The following MSI1 variants were observed in gnomAD, a reference collection of about 807,000 sequenced individuals.
MSI1 encodes the protein musashi RNA binding protein 1.
Under a neutral mutation model 54.4 loss-of-function variants are expected in MSI1, and 15 were observed. That is an observed-to-expected ratio of 0.28 (90% CI 0.18 to 0.42). The LOEUF (loss-of-function observed/expected upper bound fraction) is 0.42, where lower values mean the gene tolerates loss of function less well. Ranked by LOEUF, MSI1 falls within the 20% of genes least tolerant of loss-of-function variation. The probability of loss-of-function intolerance (pLI) is 1.00; values close to 1 mark genes in which losing one functional copy is unlikely to be tolerated. For synonymous variants in MSI1, 200 were observed against 196.5 expected (o/e 1.02, Z -0.15); for missense variants, 304 against 506.0 (o/e 0.60, Z 3.83).
At chr12:120,358,581 G>A (rs971835613) in intron 7 of MSI1, among the ~76,000 whole-genome samples, 6 of 152,218 alleles carry the variant, frequency 3.9e-5, no homozygotes, top group Admixed American at 1.3e-4. Context: ...ACACGCACAC[G>A]GTGTGGCCCA....
downstream of MSI1, among the ~76,000 whole-genome samples, chr12:120,340,377 C>G (rs549976468): frequency 6.6e-6 from 1 of 152,346 alleles, no homozygotes; most frequent in East Asian, 1.9e-4. Flanking sequence ...AGCCACCATG[C>G]CTGGCCCAAA....
intron 14 of MSI1, among the ~76,000 whole-genome samples, chr12:120,343,981 C>T (rs941757474): frequency 5.9e-5 from 9 of 152,264 alleles, no homozygotes; most frequent in Middle Eastern, 6.8e-3. Flanking sequence ...CTCAGCCTCC[C>T]GAGTAGCTGA....
Position 120,353,286 on chromosome 12 carries a change from G to A in MSI1, c.733+13C>T, listed in dbSNP as rs1414168695. 1 of 1,613,194 alleles carries A rather than the reference G, an allele frequency of 6.2e-7. No homozygotes were observed. Among genetic ancestry groups the A allele is most frequent in the Admixed American group, 1.7e-5 (1 of 60,014 alleles). On this transcript the variant is annotated intron_variant, in intron 10 of 14. Transcript: ENST00000257552. ...GGCATGCTGGCAGCAGAGGGATACT[G>A]AGCAGGACTTACCGGGGAACTGGTA...
intron 8 of MSI1, 31 bp from the exon 9 acceptor site, chr12:120,357,050 C>A (rs1875196419): frequency 6.3e-7 from 1 of 1,586,574 alleles, no homozygotes; most frequent in Admixed American, 1.7e-5. Flanking sequence ...TAGTCTTTCC[C>A]ACAGAGCTAG....
rs1592925895 is a variant in MSI1, at chr12:120,347,931, G to A, written c.791-417C>T. On this transcript the variant is annotated intron_variant, in intron 11 of 14. Transcript: ENST00000257552. ...TGCCTGGGAGCTCACGTCCTTCTTC[G>A]CAGCCCACGACACCTGGCGATAGAC... Among the ~76,000 whole-genome samples the A allele has an allele frequency of 2.6e-5, 4 of 152,116 alleles. No individual in the cohort carries two copies. The South Asian group carries it at 8.3e-4, about 32-fold the overall frequency.
intron 5 of MSI1, 36 bp downstream of exon 5, chr12:120,364,678 A>C (rs1465413149): frequency 6.4e-7 from 1 of 1,561,072 alleles, no homozygotes; most frequent in Non-Finnish European, 8.7e-7. Context: ...CATTGCCCAT[A>C]GTAAGAGAGC....
chr12:120,353,433 T>C, intron 9 of MSI1, 54 bp from the exon 10 acceptor site: 1 of 1,542,962 alleles, frequency 6.5e-7, no homozygotes, highest in South Asian at 1.1e-5. Flanking sequence ...CGGATCCTGA[T>C]CATGGAGAAG....
In MSI1 at chr12:120,368,901, C is replaced by T. The variant is rs754561191; in HGVS notation, c.60-28G>A. 1.4e-6 allele frequency: 2 copies of T among 1,398,014 alleles called. No individual in the cohort carries two copies. Among genetic ancestry groups the T allele is most frequent in the Admixed American group, 4.8e-5 (2 of 41,980 alleles). The allele number at this position is 1,398,014 out of a possible 1,614,324, so 86.6% of individuals were successfully genotyped here. On this transcript the variant is annotated intron_variant, in intron 1 of 14. Transcript: ENST00000257552. This position sits in a 1 kb window ranked among gnomAD's most constrained non-coding sequence, Gnocchi z 6.6. ...GCGGGAGGAGGAGAGACACAAAGGG[C>T]CCGCGTGAGCGCCGGGCGCCAGGGC...
chr12:120,360,081 G>A lies in MSI1; in HGVS notation c.403-1028C>T, dbSNP rs144144963. Among the ~76,000 whole-genome samples the A allele has an allele frequency of 4.3e-3, 649 of 152,118 alleles. 5 individuals are homozygous for A. Among genetic ancestry groups the A allele is most frequent in the African/African-American group, 0.015 (621 of 41,478 alleles). On this transcript the variant is annotated intron_variant, in intron 6 of 14. Transcript: ENST00000257552. ...GCTAACTGCAGCCCCCGCCTCCCAG[G>A]TTTAAGGAATTCTCCTGCCTCAGCC...
chr12:120,360,492 G>C (rs952940367), intron 6 of MSI1, among the ~76,000 whole-genome samples: 6 of 152,176 alleles, frequency 3.9e-5, no homozygotes, highest in Non-Finnish European at 7.3e-5. Context: ...TGGGGCCCAC[G>C]CAACAGAGTG....
chr12:120,368,745 G>A lies in MSI1; in HGVS notation c.100+88C>T. On this transcript the variant is annotated intron_variant, in intron 2 of 14. Transcript: ENST00000257552. The surrounding 1 kb of genome is among the most constrained non-coding windows in gnomAD (Gnocchi z 6.6). The stretch of plus-strand genomic sequence containing the variant: ...CGAGGGCGCCCGGGGTCAGCAGGGC[G>A]CAGGGCCGGGCTGGGGTGTCCGGGT... 8.5e-7 allele frequency: 1 copy of A among 1,180,942 alleles called. No individual in the cohort carries two copies. Among genetic ancestry groups the A allele is most frequent in the Non-Finnish European group, 1.1e-6 (1 of 933,714 alleles). The allele number at this position is 1,180,942 out of a possible 1,614,324, so 73.2% of individuals were successfully genotyped here.
At chr12:120,358,586 G>T (rs1164579752) in intron 7 of MSI1, among the ~76,000 whole-genome samples, 1 of 152,212 alleles carries the variant, frequency 6.6e-6, no homozygotes, top group African/African-American at 2.4e-5. Context: ...CACACGGTGT[G>T]GCCCAGATGC....
In MSI1 at chr12:120,357,037, G is replaced by A. The variant is rs374684966; in HGVS notation, c.535-18C>T. 153 of 1,606,778 alleles carry A rather than the reference G, an allele frequency of 9.5e-5. No individual in the cohort carries two copies. In the African/African-American group the frequency reaches 1.1e-3, roughly 12 times the overall value. On this transcript the variant is annotated intron_variant, in intron 8 of 14. Coordinates refer to ENST00000257552, the MANE Select transcript of MSI1 (RefSeq NM_002442.4). ...CATTCCACCTGCAATGAGACCTGGC[G>A]GTTAGTCTTTCCCACAGAGCTAGAG...
Position 120,347,434 on chromosome 12 carries a change from A to G in MSI1, c.859+12T>C, listed in dbSNP as rs753699922. 6.2e-7 allele frequency: 1 copy of G among 1,613,910 alleles called. No individual in the cohort carries two copies. The highest frequency in any genetic ancestry group is 1.3e-5 in the African/African-American group (1 of 75,048). ...TCCCTCATCTCTCTTCCTGCACCTC[A>G]GAAGAGCTCACCTGTCCCTCGAACC... On this transcript the variant is annotated intron_variant, in intron 12 of 14. Coordinates refer to ENST00000257552, the MANE Select transcript of MSI1 (RefSeq NM_002442.4).
Position 120,356,883 on chromosome 12 carries a change from G to A in MSI1, c.652+19C>T. Reference sequence around the variant, plus strand: ...GCAGTTCTGGCAGAAAGAAGCCGCAGGCGCAGGCTCGCGCATACCCAGCAT... The same window carrying A: ...GCAGTTCTGGCAGAAAGAAGCCGCAAGCGCAGGCTCGCGCATACCCAGCAT... On this transcript the variant is annotated intron_variant, in intron 9 of 14. Coordinates refer to ENST00000257552, the MANE Select transcript of MSI1 (RefSeq NM_002442.4). 6.2e-7 allele frequency: 1 copy of A among 1,608,960 alleles called. No individual in the cohort carries two copies. Among genetic ancestry groups the A allele is most frequent in the South Asian group, 1.1e-5 (1 of 91,010 alleles).
intron 14 of MSI1, 34 bp downstream of exon 14, chr12:120,345,536 C>T: frequency 6.2e-7 from 1 of 1,600,980 alleles, no homozygotes; most frequent in Non-Finnish European, 8.6e-7. Context: ...TTCCCCAGTG[C>T]CACCCCACCA....
rs1875179541 is a variant in MSI1, at chr12:120,356,921, C to T, written c.633G>A (p.Met211Ile). ...GCATACCCAGCATGCCGATGCCCAG[C>T]ATGAAGGCGTCCATTCCGTAGGGCA... is the stretch of plus-strand genomic sequence containing the variant. ...RVMPYGMDAF[M>I]LGIGMLGYPG... The change falls in exon 9 of 15, where the codon ATG (methionine) becomes ATA (isoleucine). Residue 211 changes from methionine to isoleucine, a missense_variant. This residue lies in a region of MSI1 where 147 missense variants were observed against 231.5 expected (regional missense o/e 0.64). Coordinates refer to ENST00000257552, the MANE Select transcript of MSI1 (RefSeq NM_002442.4). 1 of 1,613,992 alleles carries T rather than the reference C, an allele frequency of 6.2e-7. No individual in the cohort carries two copies. Among genetic ancestry groups the T allele is most frequent in the Admixed American group, 1.7e-5 (1 of 60,014 alleles).
At chr12:120,351,464 A>G in intron 10 of MSI1, 64 bp from the exon 11 acceptor site, 1 of 1,464,760 alleles carries the variant, frequency 6.8e-7, no homozygotes. Context: ...TGGCCCAGGG[A>G]GGACAAATGC....
At chr12:120,361,217 TTGAATGAA>T (rs539904656) in intron 6 of MSI1, among the ~76,000 whole-genome samples, 1 of 151,892 alleles carries the variant, frequency 6.6e-6, no homozygotes, top group Non-Finnish European at 1.5e-5. Flanking sequence ...CAATCATTTT[TTGAATGAA>T]TGAATGAATG....
Sources: allele counts gnomAD v4.1 joint callset (sites outside exome capture counted in the v4.1 genomes callset), GRCh38; gene constraint gnomAD v4.1.1; regional missense constraint gnomAD v4.1.1; non-coding constraint Gnocchi (gnomAD v3.1); transcripts MANE v1.5; gene names NCBI Gene and HGNC (gene_info 2026-07-23, HGNC 2026-07-21).